COL26A1: variants seen among roughly 807,000 people sequenced by gnomAD.
COL26A1 encodes collagen type XXVI alpha 1 chain.
A neutral mutation model predicts 59.3 loss-of-function variants in COL26A1; 41 were observed. The observed-to-expected ratio is 0.69, with a 90% CI of 0.54 to 0.90. The LOEUF (loss-of-function observed/expected upper bound fraction) is 0.90. Ranked by LOEUF, COL26A1 falls within the 40% of genes least tolerant of loss-of-function variation. COL26A1 has a pLI of 0.00. For synonymous variants in COL26A1, 266 were observed against 256.0 expected, an observed-to-expected ratio of 1.04 and a Z score of -0.37; for missense variants, 612 against 602.3, an observed-to-expected ratio of 1.02 and a Z score of -0.17.
At chr7:101,529,554 C>T (rs757579039) in intron 3 of COL26A1, among the ~76,000 whole-genome samples, 138 of 152,248 alleles carry the variant, frequency 9.1e-4, no homozygotes, top group Non-Finnish European at 4.1e-4. Context: ...CCACCATGCC[C>T]GGCCTCATCA....
chr7:101,453,721 G>A (rs970126656), intron 3 of COL26A1, among the ~76,000 whole-genome samples: 5 of 152,140 alleles, frequency 3.3e-5, no homozygotes, highest in Non-Finnish European at 5.9e-5. Context: ...GTTTGGGATC[G>A]GCTCCTGAAA....
chr7:101,438,106 A>G (rs1048956300), intron 2 of COL26A1, among the ~76,000 whole-genome samples: 11 of 151,490 alleles, frequency 7.3e-5, no homozygotes, highest in Non-Finnish European at 1.6e-4. Flanking sequence ...TCATGCCTGT[A>G]ATCCTAACAG....
At chr7:101,466,568 G>A (rs1348004778) in intron 3 of COL26A1, among the ~76,000 whole-genome samples, 3 of 152,064 alleles carry the variant, frequency 2.0e-5, no homozygotes, top group Non-Finnish European at 4.4e-5. Flanking sequence ...GCATGGTGGT[G>A]TGCACCTGCT....
intron 3 of COL26A1, among the ~76,000 whole-genome samples, chr7:101,532,157 A>G (rs1056209424): frequency 6.6e-6 from 1 of 152,154 alleles, no homozygotes; most frequent in Non-Finnish European, 1.5e-5. Context: ...GGAGACAGAC[A>G]TAAAAAGGTA....
chr7:101,420,197 C>T (rs1335691628), intron 2 of COL26A1, 98 bp downstream of exon 2: 49 of 1,442,534 alleles, frequency 3.4e-5, no homozygotes, highest in Non-Finnish European at 4.5e-5. Flanking sequence ...GCTGTGCTCA[C>T]AGACAAAGGC....
chr7:101,369,488 G>A (rs1471483805), intron 1 of COL26A1, among the ~76,000 whole-genome samples: 8 of 109,548 alleles, frequency 7.3e-5, no homozygotes, highest in East Asian at 3.2e-4. Context: ...TCGCTCTGTC[G>A]CCCAGGCTGG....
intron 1 of COL26A1, among the ~76,000 whole-genome samples, chr7:101,365,216 A>C (rs1791014555): frequency 6.6e-6 from 1 of 152,206 alleles, no homozygotes; most frequent in African/African-American, 2.4e-5. Context: ...GGATTGTCTA[A>C]AAAACAAGCT....
intron 1 of COL26A1, among the ~76,000 whole-genome samples, chr7:101,387,768 A>T (rs1246376552): frequency 0.017 from 606 of 36,262 alleles, 10 homozygotes; most frequent in African/African-American, 0.03. Context: ...ATATATATAT[A>T]TATATATATA....
Position 101,539,966 on chromosome 7 carries a change from C to T in COL26A1, c.521C>T (p.Pro174Leu), listed in dbSNP as rs769091413. 19 of 1,613,602 alleles carry T rather than the reference C, an allele frequency of 1.2e-5. 1 individual carries two copies. The East Asian group carries it at 1.6e-4, about 13-fold the overall frequency. Reference protein sequence around the residue: ...NDLPAPESTPPTWNEDFLPDA... With the variant: ...NDLPAPESTPLTWNEDFLPDA... ...CTGCCAGCCCCCGAGAGCACTCCGC[C>T]GACCTGGAATGAGGACTTCCTCCCC... Residue 174 changes from proline to leucine, a missense_variant, in exon 5 of 13, where the codon CCG becomes CTG. Pro to Leu is a moderately conservative substitution (Grantham distance 98, BLOSUM62 -3). Transcript: ENST00000313669.
chr7:101,401,019 G>A (rs1389971657), intron 1 of COL26A1, among the ~76,000 whole-genome samples: 3 of 152,318 alleles, frequency 2.0e-5, no homozygotes, highest in Admixed American at 1.3e-4. Context: ...ACAGCAGCAC[G>A]TCTGCACAGG....
At chr7:101,542,468 G>C (rs1795637305) in intron 5 of COL26A1, among the ~76,000 whole-genome samples, 1 of 152,114 alleles carries the variant, frequency 6.6e-6, no homozygotes, top group African/African-American at 2.4e-5. Flanking sequence ...GACACCTGAG[G>C]CTCAGAGAAG....
rs112374975 is a variant in COL26A1 at position 101,554,208 on chromosome 7, G to T, written c.1080+832G>T. Among the ~76,000 whole-genome samples the T allele has an allele frequency of 8.3e-3, 1,256 of 152,238 alleles. 11 individuals are homozygous for T. The highest frequency in any genetic ancestry group is 0.027 in the African/African-American group (1,107 of 41,526). On this transcript the variant is annotated intron_variant, in intron 11 of 12. Transcript: ENST00000313669. ...GCAGGGGGGGCCTTGAAAGCTAAAA[G>T]CGAAAGTGCCTGAGCAGGGTTTCCC...
chr7:101,421,837 A>G (rs1366013671), intron 2 of COL26A1, among the ~76,000 whole-genome samples: 2 of 152,104 alleles, frequency 1.3e-5, no homozygotes, highest in Non-Finnish European at 2.9e-5. Context: ...ATACTATCAT[A>G]TTGCTTGCAA....
chr7:101,527,180 C>T (rs937644985), intron 3 of COL26A1, among the ~76,000 whole-genome samples: 1 of 151,856 alleles, frequency 6.6e-6, no homozygotes, highest in East Asian at 1.9e-4. Flanking sequence ...CATGTTGCCC[C>T]GACTGGTCTC....
intron 4 of COL26A1, among the ~76,000 whole-genome samples, chr7:101,533,539 G>C (rs1269991907): frequency 2.0e-5 from 3 of 152,172 alleles, no homozygotes; most frequent in Non-Finnish European, 4.4e-5. Flanking sequence ...GGAACTGCTG[G>C]GAAGTGACCA....
chr7:101,391,614 C>T (rs768499678), intron 1 of COL26A1, among the ~76,000 whole-genome samples: 1 of 152,198 alleles, frequency 6.6e-6, no homozygotes, highest in Non-Finnish European at 1.5e-5. Flanking sequence ...GGCTGGAGTG[C>T]AGTGGCACGA....
At position 101,489,838 on chromosome 7, in the gene COL26A1, CTT is replaced by C. The variant is rs1292275027; in HGVS notation, c.385+42053_385+42054del. Among the ~76,000 whole-genome samples the C allele has an allele frequency of 3.2e-3, 57 of 18,030 alleles. 8 individuals carry two copies. The highest frequency in any genetic ancestry group is 4.8e-3 in the African/African-American group (12 of 2,476). The allele number at this position is 18,030 out of a possible 152,430, so 11.8% of individuals were successfully genotyped here. A position where few individuals can be genotyped will look rare whatever the true frequency, so the allele number is the denominator to read the frequency against. On this transcript the variant is annotated intron_variant, in intron 3 of 12. Transcript: ENST00000313669. ...TCTTTCTTTCTTTCTTTCTTTCTTT[CTT>C]TCTTTCTTTCTTTCTTTCTTTCTTT...
intron 2 of COL26A1, among the ~76,000 whole-genome samples, chr7:101,425,041 G>C (rs1792610535): frequency 6.6e-6 from 1 of 151,998 alleles, no homozygotes; most frequent in African/African-American, 2.4e-5. Flanking sequence ...TTCTGCCTCA[G>C]CCTCCTGAGT....
At chr7:101,419,087 T>G (rs953074737) in intron 1 of COL26A1, among the ~76,000 whole-genome samples, 2 of 31,486 alleles carry the variant, frequency 6.4e-5, no homozygotes, top group Admixed American at 3.3e-4. Context: ...TCCCCTCCCC[T>G]CCCCTCCCCT....
Sources: allele counts gnomAD v4.1 joint callset (sites outside exome capture counted in the v4.1 genomes callset), GRCh38; gene constraint gnomAD v4.1.1; transcripts MANE v1.5; gene names NCBI Gene and HGNC (gene_info 2026-07-23, HGNC 2026-07-21).